The following KCNIP4 variants were observed in gnomAD, a reference collection of about 807,000 sequenced individuals.
KCNIP4 encodes potassium voltage-gated channel interacting protein 4.
A neutral mutation model predicts 34.0 loss-of-function variants in KCNIP4; 12 were observed. The observed-to-expected ratio is 0.35, with a 90% CI of 0.23 to 0.57. The LOEUF (loss-of-function observed/expected upper bound fraction) is 0.57, where lower values mean the gene tolerates loss of function less well. Among genes scored for constraint, KCNIP4 ranks in the 20% least tolerant of loss-of-function variants. KCNIP4 has a pLI of 0.83. For missense variants in KCNIP4, 238 were observed against 311.7 expected (o/e 0.76, Z 1.78); for synonymous variants, 124 against 102.2 (o/e 1.21, Z -1.29).
chr4:21,092,277 C>T (rs544635704), intron 1 of KCNIP4, among the ~76,000 whole-genome samples: 1 of 151,740 alleles, frequency 6.6e-6, no homozygotes, highest in East Asian at 2.0e-4. Context: ...AGGTATTATC[C>T]TGATAGCACA....
intron 1 of KCNIP4, among the ~76,000 whole-genome samples, chr4:21,717,597 T>A (rs1714482837): frequency 6.6e-6 from 1 of 152,160 alleles, no homozygotes; most frequent in African/African-American, 2.4e-5. Flanking sequence ...ATTCAAATGG[T>A]AGCCTAGGAC....
intron 1 of KCNIP4, among the ~76,000 whole-genome samples, chr4:21,453,271 G>C (rs1728663961): frequency 6.6e-6 from 1 of 152,034 alleles, no homozygotes; most frequent in South Asian, 2.1e-4. Flanking sequence ...AGAAAAGAAT[G>C]ATTATGACAG....
chr4:21,108,945 T>C (rs1748854724), intron 1 of KCNIP4, among the ~76,000 whole-genome samples: 1 of 152,170 alleles, frequency 6.6e-6, no homozygotes, highest in African/African-American at 2.4e-5. Context: ...TGCTGTCTGA[T>C]CATTCCTCTG....
chr4:20,884,747 GC>G (rs1725095912), intron 1 of KCNIP4, among the ~76,000 whole-genome samples: 1 of 137,594 alleles, frequency 7.3e-6, no homozygotes, highest in Admixed American at 7.9e-5. Context: ...TCACTCTGTT[GC>G]CCAGGCTGGA....
At chr4:21,197,843 C>A (rs1161535189) in intron 1 of KCNIP4, among the ~76,000 whole-genome samples, 1 of 152,114 alleles carries the variant, frequency 6.6e-6, no homozygotes, top group Non-Finnish European at 1.5e-5. Context: ...CTAGGAATAG[C>A]TTAACTTTGG....
intron 3 of KCNIP4, among the ~76,000 whole-genome samples, chr4:20,834,249 C>T (rs1363018311): frequency 6.6e-6 from 1 of 152,154 alleles, no homozygotes. Flanking sequence ...ATGGCCCTGC[C>T]TAAGTGAAAT....
chr4:21,688,018 C>T (rs887799241), intron 1 of KCNIP4, among the ~76,000 whole-genome samples: 2 of 152,062 alleles, frequency 1.3e-5, no homozygotes, highest in Non-Finnish European at 2.9e-5. Context: ...CAATAGTATA[C>T]CTTAAGTCTA....
intron 1 of KCNIP4, among the ~76,000 whole-genome samples, chr4:21,383,567 A>G (rs1393803723): frequency 6.6e-6 from 1 of 151,794 alleles, no homozygotes; most frequent in East Asian, 1.9e-4. Flanking sequence ...TCATGCAAAA[A>G]CCCATAAGAC....
At chr4:20,830,293 A>G (rs1367950597) in intron 3 of KCNIP4, among the ~76,000 whole-genome samples, 3 of 152,190 alleles carry the variant, frequency 2.0e-5, no homozygotes, top group Non-Finnish European at 4.4e-5. Context: ...AACTTCATAT[A>G]GAATCTAAAT....
At chr4:21,356,382 T>C (rs1166667225) in intron 1 of KCNIP4, among the ~76,000 whole-genome samples, 1 of 152,182 alleles carries the variant, frequency 6.6e-6, no homozygotes, top group Non-Finnish European at 1.5e-5. Context: ...AAATTGTCCC[T>C]GTTTGCAGAT....
At chr4:21,293,480 A>G (rs1763659693) in intron 1 of KCNIP4, among the ~76,000 whole-genome samples, 1 of 152,210 alleles carries the variant, frequency 6.6e-6, no homozygotes, top group South Asian at 2.1e-4. Context: ...ATTCTACTGC[A>G]GTCTACTGGA....
At chr4:21,247,964 TACACACACATATATATATAC>T (rs1470053441) in intron 1 of KCNIP4, among the ~76,000 whole-genome samples, 3 of 121,094 alleles carry the variant, frequency 2.5e-5, no homozygotes, top group Non-Finnish European at 3.2e-5. Context: ...CATATATATA[TACACACACATATATATATAC>T]ACACACACAC....
At position 21,216,491 on chromosome 4, in the gene KCNIP4, T is replaced by C. The variant is rs566512396; in HGVS notation, c.62-333782A>G. 3.3e-5 allele frequency among the ~76,000 whole-genome samples: 5 copies of C among 152,358 alleles called. No homozygotes were observed. In the South Asian group the frequency reaches 1.0e-3, roughly 32 times the overall value. ...GACCCTGTCTACATAATAGGTACTA[T>C]ACTAGTATTTGTCCTAGGCCAGATT... On this transcript the variant is annotated intron_variant, in intron 1 of 8. Coordinates refer to ENST00000382152, the MANE Select transcript of KCNIP4 (RefSeq NM_025221.6).
chr4:21,008,659 G>A (rs1034272864), intron 1 of KCNIP4, among the ~76,000 whole-genome samples: 13 of 151,892 alleles, frequency 8.6e-5, no homozygotes, highest in African/African-American at 2.7e-4. Context: ...AAGTAGCTGG[G>A]ACTGCAGGCG....
intron 1 of KCNIP4, among the ~76,000 whole-genome samples, chr4:21,806,663 G>C (rs1246311148): frequency 6.6e-6 from 1 of 151,966 alleles, no homozygotes; most frequent in African/African-American, 2.4e-5. Flanking sequence ...TGACCTGTTG[G>C]GTTAGACATT....
At chr4:21,272,396 A>G (rs1293615622) in intron 1 of KCNIP4, among the ~76,000 whole-genome samples, 1 of 152,178 alleles carries the variant, frequency 6.6e-6, no homozygotes, top group South Asian at 2.1e-4. Context: ...TGTGAGTCAT[A>G]TATTTTCCCA....
At chr4:21,715,660 T>C (rs927532943) in intron 1 of KCNIP4, among the ~76,000 whole-genome samples, 6 of 152,206 alleles carry the variant, frequency 3.9e-5, no homozygotes, top group East Asian at 1.9e-4. Context: ...GGATTTCTTA[T>C]AGCTTTCTTA....
At chr4:21,625,530 C>T (rs1391618851) in intron 1 of KCNIP4, among the ~76,000 whole-genome samples, 1 of 152,122 alleles carries the variant, frequency 6.6e-6, no homozygotes, top group Non-Finnish European at 1.5e-5. Context: ...ATTACAAATA[C>T]TCTTTCCCTA....
At chr4:21,814,232 G>T (rs947758982) in intron 1 of KCNIP4, among the ~76,000 whole-genome samples, 4 of 152,096 alleles carry the variant, frequency 2.6e-5, no homozygotes, top group African/African-American at 9.7e-5. Flanking sequence ...AGGGATATTT[G>T]AGCAAAAATA....
Sources: allele counts gnomAD v4.1 joint callset (sites outside exome capture counted in the v4.1 genomes callset), GRCh38; gene constraint gnomAD v4.1.1; transcripts MANE v1.5; gene names NCBI Gene and HGNC (gene_info 2026-07-23, HGNC 2026-07-21).